The following KCNN4 variants were observed in gnomAD, a reference collection of about 807,000 sequenced individuals.
The protein encoded by KCNN4 is intermediate conductance calcium-activated potassium channel protein 4.
KCNN4 carries 31 observed loss-of-function variants against 45.2 expected under a neutral mutation model. The observed-to-expected ratio is 0.69, with a 90% CI of 0.52 to 0.92. The LOEUF is 0.92. KCNN4 is among the 40% of genes least tolerant of loss of function. KCNN4 has a pLI of 0.00. For synonymous variants in KCNN4, 231 were observed against 254.6 expected (o/e 0.91, Z 0.88); for missense variants, 463 against 574.0 (o/e 0.81, Z 1.98).
rs1349256489 is a variant in KCNN4 at position 43,769,716 on chromosome 19, C to T, written c.930+3G>A. The T allele has an allele frequency of 2.5e-6, 4 of 1,611,286 alleles. No homozygotes were observed. Among genetic ancestry groups the T allele is most frequent in the South Asian group, 1.1e-5 (1 of 90,948 alleles). On this transcript the variant is annotated splice_donor_region_variant and intron_variant, in intron 5 of 8. Transcript: ENST00000648319. The surrounding 1 kb of genome is among the most constrained non-coding windows in gnomAD (Gnocchi z 4.4). ...TCCCATGGGTGCCATATGCCCATCTCACCTCTTTGGTATACTGGATATCCA... is the reference window on the plus strand; with the variant it reads ...TCCCATGGGTGCCATATGCCCATCTTACCTCTTTGGTATACTGGATATCCA...
At chr19:43,777,339 G>GTGTGT (rs1555725413) in intron 1 of KCNN4, among the ~76,000 whole-genome samples, 1 of 141,676 alleles carries the variant, frequency 7.1e-6, no homozygotes, top group African/African-American at 2.6e-5. Flanking sequence ...GTGTGTGTGT[G>GTGTGT]GTGTCTAGAA....
chr19:43,780,378 C>A (rs1446698181), intron 1 of KCNN4, among the ~76,000 whole-genome samples: 3 of 148,944 alleles, frequency 2.0e-5, no homozygotes, highest in Non-Finnish European at 3.0e-5. Flanking sequence ...ATCCAGGAGT[C>A]CTGACCCCCA....
At chr19:43,778,240 T>C (rs1969867092) in intron 1 of KCNN4, among the ~76,000 whole-genome samples, 1 of 68,860 alleles carries the variant, frequency 1.5e-5, no homozygotes, top group South Asian at 7.0e-4. Flanking sequence ...TTTGTTTCTA[T>C]TGTCTCTTTT....
At chr19:43,778,383 G>A (rs759682774) in intron 1 of KCNN4, among the ~76,000 whole-genome samples, 5 of 152,136 alleles carry the variant, frequency 3.3e-5, no homozygotes, top group Non-Finnish European at 7.3e-5. Flanking sequence ...GGGACTACAG[G>A]CACACGCCGC....
rs566497792 is a variant in KCNN4, at chr19:43,771,154, C to T, written c.819+846G>A. On this transcript the variant is annotated intron_variant, in intron 4 of 8. Transcript: ENST00000648319. ...GGGGGCCAGGGCTGGGTGGGAGGAC[C>T]TGAGTGACTGGGTCTATGGAGGGAA... 3.9e-5 allele frequency among the ~76,000 whole-genome samples: 6 copies of T among 152,192 alleles called. No individual in the cohort carries two copies. In the South Asian group the frequency reaches 1.2e-3, roughly 32 times the overall value.
Position 43,770,588 on chromosome 19 carries a change from C to T in KCNN4, c.820-759G>A, listed in dbSNP as rs150473295. Among the ~76,000 whole-genome samples, 737 of 152,326 alleles carry T rather than the reference C, an allele frequency of 4.8e-3. 2 individuals carry two copies. Among genetic ancestry groups the T allele is most frequent in the Middle Eastern group, 0.027 (8 of 294 alleles). ...TCAGAACAACTTCCAGTCACAAACGCTGGCTCCAGGGGACTGCCTGGGTTC... is the reference window on the plus strand; with the variant it reads ...TCAGAACAACTTCCAGTCACAAACGTTGGCTCCAGGGGACTGCCTGGGTTC... On this transcript the variant is annotated intron_variant, in intron 4 of 8. Transcript: ENST00000648319.
At chr19:43,768,907 C>G in intron 7 of KCNN4, 56 bp downstream of exon 7, 3 of 1,578,186 alleles carry the variant, frequency 1.9e-6, no homozygotes, top group Non-Finnish European at 2.6e-6. Context: ...AGATTTCCCT[C>G]CCTGTGGCCC....
At chr19:43,778,482 G>A (rs1001319878) in intron 1 of KCNN4, among the ~76,000 whole-genome samples, 17 of 152,044 alleles carry the variant, frequency 1.1e-4, no homozygotes, top group African/African-American at 3.1e-4. Context: ...CTTGTGATCC[G>A]CCCACCTCGG....
At chr19:43,773,368 C>T (rs1416317871) in intron 3 of KCNN4, among the ~76,000 whole-genome samples, 2 of 152,202 alleles carry the variant, frequency 1.3e-5, no homozygotes, top group South Asian at 2.1e-4. Flanking sequence ...AACTGAGGCT[C>T]AGAGAGGAGA....
At chr19:43,775,728 A>T (rs1419157844) in intron 2 of KCNN4, among the ~76,000 whole-genome samples, 1 of 151,944 alleles carries the variant, frequency 6.6e-6, no homozygotes, top group Non-Finnish European at 1.5e-5. Flanking sequence ...AGGGGATGGG[A>T]TGTGTCTGGG....
At chr19:43,777,975 G>A (rs1035307011) in intron 1 of KCNN4, among the ~76,000 whole-genome samples, 4 of 152,110 alleles carry the variant, frequency 2.6e-5, no homozygotes, top group African/African-American at 9.7e-5. Context: ...TAGTGCTGTT[G>A]TCACCAGCCC....
Position 43,774,514 on chromosome 19 carries a change from G to A in KCNN4, c.361C>T (p.Pro121Ser). The A allele has an allele frequency of 6.3e-7, 1 of 1,596,636 alleles. No individual in the cohort carries two copies. The highest frequency in any genetic ancestry group is 8.5e-7 in the Non-Finnish European group (1 of 1,174,976). The part of the protein sequence containing the change: ...ELVVCGLHPA[P>S]VRGPPCVQDL... ...TGCACGCACGGCGGGCCCCGCACGG[G>A]CGCCGGGTGCAGCCCACACACCACC... The change falls in exon 3 of 9, where the codon CCC (proline) becomes TCC (serine). Residue 121 changes from proline to serine, a missense_variant. By Grantham distance (74) the Pro-to-Ser change is moderately conservative. Coordinates refer to ENST00000648319, the MANE Select transcript of KCNN4 (RefSeq NM_002250.3). This position sits in a 1 kb window ranked among gnomAD's most constrained non-coding sequence, Gnocchi z 5.6.
chr19:43,770,317 G>A (rs539789193), intron 4 of KCNN4, among the ~76,000 whole-genome samples: 29 of 152,192 alleles, frequency 1.9e-4, no homozygotes, highest in African/African-American at 7.0e-4. Context: ...GTCTCAGCCT[G>A]GCTCCCAAGG....
chr19:43,768,931 CT>C (rs1331761187), intron 7 of KCNN4, 31 bp downstream of exon 7: 1 of 1,612,816 alleles, frequency 6.2e-7, no homozygotes, highest in Admixed American at 1.7e-5. Flanking sequence ...CCTCCCCCTT[CT>C]TCAAGACCTC....
chr19:43,767,766 T>G, intron 7 of KCNN4, 59 bp from the exon 8 acceptor site: 1 of 1,599,540 alleles, frequency 6.3e-7, no homozygotes, highest in South Asian at 1.1e-5. Flanking sequence ...ACCTACTCCA[T>G]AGCGTAAGGC....
At chr19:43,771,284 C>T (rs1047472064) in intron 4 of KCNN4, among the ~76,000 whole-genome samples, 4 of 152,118 alleles carry the variant, frequency 2.6e-5, no homozygotes, top group Non-Finnish European at 5.9e-5. Context: ...GATGCCTGGC[C>T]ACCCCTAGAC....
Position 43,774,102 on chromosome 19 carries a change from T to A in KCNN4, c.683+90A>T. On this transcript the variant is annotated intron_variant, in intron 3 of 8. Transcript: ENST00000648319. The surrounding 1 kb of genome is among the most constrained non-coding windows in gnomAD (Gnocchi z 5.6). ...GTGAACTTTCTCCACTGCTTGGTCC[T>A]AGGGGGCCTCAACCTGCACCGCGGC... The A allele has an allele frequency of 7.4e-7, 1 of 1,347,522 alleles. No homozygotes were observed. The highest frequency in any genetic ancestry group is 1.0e-6 in the Non-Finnish European group (1 of 984,766). 83.5% of individuals were successfully genotyped at this position (1,347,522 alleles called of 1,614,324 possible).
Position 43,769,286 on chromosome 19 carries a change from T to C in KCNN4, c.1049+156A>G, listed in dbSNP as rs911519230. 31 of 700,078 alleles carry C rather than the reference T, an allele frequency of 4.4e-5. No homozygotes were observed. The highest frequency in any genetic ancestry group is 2.1e-4 in the South Asian group (13 of 60,960). The allele number at this position is 700,078 out of a possible 1,614,324, so 43.4% of individuals were successfully genotyped here. On this transcript the variant is annotated intron_variant, in intron 6 of 8. Transcript: ENST00000648319. This position sits in a 1 kb window ranked among gnomAD's most constrained non-coding sequence, Gnocchi z 4.4. ...AAACCAGCACAGACACATAGAGTCA[T>C]GCACGGTCAGATCCAGGTGAGACCT...
chr19:43,769,178 T>G lies in KCNN4; in HGVS notation c.1050-146A>C. On this transcript the variant is annotated intron_variant, in intron 6 of 8. Coordinates refer to ENST00000648319, the MANE Select transcript of KCNN4 (RefSeq NM_002250.3). This position sits in a 1 kb window ranked among gnomAD's most constrained non-coding sequence, Gnocchi z 4.4. ...GAAGAGCTGAAAGAGTGGGAGGGGA[T>G]GCACCCTGCCTCCCCACGAGCCCCC... 2 of 876,712 alleles carry G rather than the reference T, an allele frequency of 2.3e-6. No individual in the cohort carries two copies. The highest frequency in any genetic ancestry group is 3.7e-6 in the Non-Finnish European group (2 of 543,872). 54.3% of individuals were successfully genotyped at this position (876,712 alleles called of 1,614,324 possible).
Sources: gnomAD v4.1 joint callset for allele counts (sites outside exome capture counted in the v4.1 genomes callset) on GRCh38, gnomAD v4.1.1 for gene constraint, Gnocchi (gnomAD v3.1) non-coding constraint, MANE v1.5 for transcripts, NCBI Gene and HGNC (gene_info 2026-07-23, HGNC 2026-07-21) for gene names.